STX8: variants seen among roughly 807,000 people sequenced by gnomAD.
The protein encoded by STX8 is syntaxin 8, also known as syntaxin-8.
A neutral mutation model predicts 37.5 loss-of-function variants in STX8; 23 were observed. The observed-to-expected ratio is 0.61, with a 90% CI of 0.44 to 0.87. The LOEUF (loss-of-function observed/expected upper bound fraction) is 0.87, where lower values mean the gene tolerates loss of function less well. Among genes scored for constraint, STX8 ranks in the 40% least tolerant of loss-of-function variants. STX8 has a pLI of 0.00. For missense variants in STX8, 313 were observed against 284.7 expected (o/e 1.10, Z -0.71); for synonymous variants, 115 against 99.1 (o/e 1.16, Z -0.95).
chr17:9,303,989 T>G (rs1260801312), intron 7 of STX8, among the ~76,000 whole-genome samples: 3 of 150,056 alleles, frequency 2.0e-5, no homozygotes, highest in East Asian at 3.9e-4. Flanking sequence ...AAAATCATCA[T>G]AAGCAATGTC....
intron 7 of STX8, among the ~76,000 whole-genome samples, chr17:9,269,915 T>C (rs889560020): frequency 6.6e-6 from 1 of 152,198 alleles, no homozygotes; most frequent in African/African-American, 2.4e-5. Context: ...TCCTCCCCCA[T>C]GCCCAGGGTA....
At chr17:9,517,180 CT>C (rs1466856881) in intron 4 of STX8, among the ~76,000 whole-genome samples, 3 of 152,124 alleles carry the variant, frequency 2.0e-5, no homozygotes, top group Non-Finnish European at 4.4e-5. Flanking sequence ...CCTTATCTTG[CT>C]TAATTTTTCT....
intron 7 of STX8, among the ~76,000 whole-genome samples, chr17:9,329,615 A>G (rs1297485843): frequency 6.6e-6 from 1 of 152,264 alleles, no homozygotes; most frequent in Non-Finnish European, 1.5e-5. Context: ...GCAGAGGCAG[A>G]AAAGCTTCGG....
At chr17:9,557,387 C>T (rs774472771) in intron 3 of STX8, 47 bp downstream of exon 3, 2 of 1,529,614 alleles carry the variant, frequency 1.3e-6, no homozygotes, top group South Asian at 2.3e-5. Flanking sequence ...AATACGACTG[C>T]TTTTCCTCCC....
At chr17:9,360,663 TAAAAAAAAAA>T (rs59129684) in intron 7 of STX8, among the ~76,000 whole-genome samples, 1 of 133,414 alleles carries the variant, frequency 7.5e-6, no homozygotes, top group Non-Finnish European at 1.6e-5. Context: ...TTATTAGTGT[TAAAAAAAAAA>T]AAAAAAAGAC....
chr17:9,319,148 A>G (rs1909482389), intron 7 of STX8, among the ~76,000 whole-genome samples: 1 of 152,202 alleles, frequency 6.6e-6, no homozygotes, highest in African/African-American at 2.4e-5. Context: ...CCACAAGTGC[A>G]TTAAAAACTA....
intron 6 of STX8, among the ~76,000 whole-genome samples, chr17:9,396,665 G>A (rs113933026): frequency 3.3e-5 from 5 of 149,394 alleles, no homozygotes; most frequent in African/African-American, 9.8e-5. Flanking sequence ...AGTCGAGATC[G>A]AGCCATTGCA....
intron 7 of STX8, among the ~76,000 whole-genome samples, chr17:9,295,961 C>T (rs769979166): frequency 1.3e-5 from 2 of 151,888 alleles, no homozygotes; most frequent in East Asian, 1.9e-4. Context: ...GAGGCCAAGG[C>T]GGGCGGATCA....
At chr17:9,409,217 G>T (rs749632930) in intron 6 of STX8, among the ~76,000 whole-genome samples, 4 of 152,128 alleles carry the variant, frequency 2.6e-5, no homozygotes, top group Admixed American at 1.3e-4. Flanking sequence ...ACTTAGGAGA[G>T]AAAGGAGTCT....
chr17:9,323,095 T>G (rs987284822), intron 7 of STX8, among the ~76,000 whole-genome samples: 7 of 152,128 alleles, frequency 4.6e-5, no homozygotes, highest in Non-Finnish European at 1.0e-4. Context: ...ATTTTTATCT[T>G]GCAAAAAGTA....
At chr17:9,501,861 C>A in intron 5 of STX8, among the ~76,000 whole-genome samples, 1 of 151,770 alleles carries the variant, frequency 6.6e-6, no homozygotes. Context: ...CCCAGCTACT[C>A]GGGAGGCTGA....
chr17:9,441,200 A>G (rs1904634594), intron 6 of STX8, among the ~76,000 whole-genome samples: 1 of 152,176 alleles, frequency 6.6e-6, no homozygotes. Flanking sequence ...TTAGAAATTT[A>G]GTCAAATACG....
chr17:9,367,910 T>TA (rs1388205292), intron 7 of STX8, among the ~76,000 whole-genome samples: 5 of 152,128 alleles, frequency 3.3e-5, no homozygotes, highest in Admixed American at 2.6e-4. Flanking sequence ...TTTGTATTTT[T>TA]AGTACAGACG....
chr17:9,493,255 G>T (rs1906934158), intron 5 of STX8, among the ~76,000 whole-genome samples: 2 of 152,088 alleles, frequency 1.3e-5, no homozygotes, highest in Admixed American at 1.3e-4. Context: ...ATAGAGAGAG[G>T]CTCTGTCTCT....
intron 4 of STX8, among the ~76,000 whole-genome samples, chr17:9,519,188 C>T (rs879619984): frequency 6.6e-6 from 1 of 152,150 alleles, no homozygotes; most frequent in East Asian, 1.9e-4. Context: ...TATCTCCCTA[C>T]AGGTTCTTTA....
At chr17:9,376,338 C>T (rs1394182562) in intron 7 of STX8, among the ~76,000 whole-genome samples, 1 of 152,038 alleles carries the variant, frequency 6.6e-6, no homozygotes, top group Non-Finnish European at 1.5e-5. Flanking sequence ...AACCAGCACG[C>T]TGTAAAAATG....
intron 7 of STX8, among the ~76,000 whole-genome samples, chr17:9,325,298 T>C (rs962014679): frequency 2.6e-5 from 4 of 152,208 alleles, no homozygotes; most frequent in South Asian, 2.1e-4. Flanking sequence ...AAGTTGTGAA[T>C]AGGAATAAAC....
intron 6 of STX8, among the ~76,000 whole-genome samples, chr17:9,443,898 A>G (rs1047254968): frequency 3.3e-5 from 5 of 152,052 alleles, no homozygotes; most frequent in African/African-American, 9.7e-5. Flanking sequence ...AATACCCAAT[A>G]TACACCCTTC....
chr17:9,333,537 G>A (rs564985881), intron 7 of STX8, among the ~76,000 whole-genome samples: 200 of 152,080 alleles, frequency 1.3e-3, no homozygotes, highest in Non-Finnish European at 2.4e-3. Flanking sequence ...ATAGGCGCCC[G>A]CCACCACGCC....
Sources: allele counts gnomAD v4.1 joint callset (sites outside exome capture counted in the v4.1 genomes callset), GRCh38; gene constraint gnomAD v4.1.1; transcripts MANE v1.5; gene names NCBI Gene and HGNC (gene_info 2026-07-23, HGNC 2026-07-21).